The following CFAP299 variants were observed in gnomAD, a reference collection of about 807,000 sequenced individuals.
The protein encoded by CFAP299 is cilia- and flagella-associated protein 299.
In CFAP299, 21 loss-of-function variants were observed where a neutral mutation model predicts 27.0. The observed-to-expected ratio is 0.78, with a 90% CI of 0.55 to 1.12. The LOEUF is 1.12. CFAP299 is among the 50% of genes most tolerant of loss of function. The pLI is 0.00. For missense variants in CFAP299, 310 were observed against 276.6 expected, an observed-to-expected ratio of 1.12 and a Z score of -0.86; for synonymous variants, 104 against 98.1, an observed-to-expected ratio of 1.06 and a Z score of -0.36.
intron 3 of CFAP299, among the ~76,000 whole-genome samples, chr4:80,668,672 A>C (rs1211234692): frequency 6.6e-6 from 1 of 152,086 alleles, no homozygotes; most frequent in Non-Finnish European, 1.5e-5. Flanking sequence ...GTCTGTTTTT[A>C]ATGCCAGTAT....
At chr4:80,823,119 A>G (rs1186424016) in intron 3 of CFAP299, among the ~76,000 whole-genome samples, 1 of 152,186 alleles carries the variant, frequency 6.6e-6, no homozygotes, top group African/African-American at 2.4e-5. Flanking sequence ...GGACCTACTT[A>G]GCACCTCCTA....
rs370673737 is a variant in CFAP299 at position 80,902,586 on chromosome 4, T to TATATATATAC, written c.476+32452_476+32453insTATATATACA. Among the ~76,000 whole-genome samples the TATATATATAC allele has an allele frequency of 3.8e-3, 481 of 126,680 alleles. 2 individuals carry two copies. Among genetic ancestry groups the TATATATATAC allele is most frequent in the African/African-American group, 0.014 (458 of 33,730 alleles). The allele number at this position is 126,680 out of a possible 152,430, so 83.1% of individuals were successfully genotyped here. A position where few individuals can be genotyped will look rare whatever the true frequency, so the allele number is the denominator to read the frequency against. On this transcript the variant is annotated intron_variant, in intron 4 of 5. Transcript: ENST00000358105. ...ATTTTATCCATATATATGTAATATA[T>TATATATATAC]ACACACACACACACACACACACACA... is the stretch of plus-strand genomic sequence containing the variant.
intron 2 of CFAP299, among the ~76,000 whole-genome samples, chr4:80,554,248 C>T (rs1319810003): frequency 6.6e-6 from 1 of 152,124 alleles, no homozygotes; most frequent in Non-Finnish European, 1.5e-5. Context: ...AATATCAAGT[C>T]TTTTCCCCAT....
chr4:80,574,115 G>A (rs1345570165), intron 2 of CFAP299, among the ~76,000 whole-genome samples: 1 of 151,656 alleles, frequency 6.6e-6, no homozygotes, highest in Non-Finnish European at 1.5e-5. Context: ...CCATTTTTTG[G>A]TGTCCCCTTC....
chr4:80,680,582 C>T (rs1719774230), intron 3 of CFAP299, among the ~76,000 whole-genome samples: 1 of 151,914 alleles, frequency 6.6e-6, no homozygotes, highest in African/African-American at 2.4e-5. Flanking sequence ...GCTCATCTGC[C>T]TATTGGACAA....
chr4:80,815,139 T>C (rs1173192117), intron 3 of CFAP299, among the ~76,000 whole-genome samples: 1 of 151,294 alleles, frequency 6.6e-6, no homozygotes, highest in Non-Finnish European at 1.5e-5. Context: ...AAAAAAGACA[T>C]GGAGATGGAA....
intron 3 of CFAP299, among the ~76,000 whole-genome samples, chr4:80,644,092 A>G (rs1739862224): frequency 6.6e-6 from 1 of 152,166 alleles, no homozygotes; most frequent in Admixed American, 6.5e-5. Context: ...TTTAAGTTCA[A>G]TCTATATATG....
chr4:80,536,795 G>A (rs1429192693), intron 2 of CFAP299, among the ~76,000 whole-genome samples: 1 of 152,026 alleles, frequency 6.6e-6, no homozygotes, highest in Non-Finnish European at 1.5e-5. Context: ...TCTTTACATT[G>A]GTCTGGGCAA....
At chr4:80,856,973 G>T (rs1731943564) in intron 3 of CFAP299, among the ~76,000 whole-genome samples, 2 of 151,984 alleles carry the variant, frequency 1.3e-5, no homozygotes, top group South Asian at 4.2e-4. Context: ...GGATGGCATT[G>T]AATCTGTAAA....
intron 2 of CFAP299, among the ~76,000 whole-genome samples, chr4:80,534,040 G>A (rs1733604492): frequency 6.6e-6 from 1 of 151,986 alleles, no homozygotes. Context: ...AGAACACCAT[G>A]ATTAATTAAT....
intron 3 of CFAP299, among the ~76,000 whole-genome samples, chr4:80,856,880 G>T (rs1482833059): frequency 6.6e-6 from 1 of 151,924 alleles, no homozygotes; most frequent in Non-Finnish European, 1.5e-5. Context: ...TTGACTTGGT[G>T]ATGAGGGCTC....
chr4:80,373,721 T>C (rs911981117), intron 2 of CFAP299, among the ~76,000 whole-genome samples: 1 of 152,212 alleles, frequency 6.6e-6, no homozygotes, highest in Non-Finnish European at 1.5e-5. Flanking sequence ...TGGTGTCTTA[T>C]GGTTAAGTTC....
chr4:80,426,321 A>G (rs1727526799), intron 2 of CFAP299, among the ~76,000 whole-genome samples: 1 of 152,156 alleles, frequency 6.6e-6, no homozygotes, highest in Non-Finnish European at 1.5e-5. Flanking sequence ...TATGATCATT[A>G]CATTATGTTT....
At chr4:80,342,738 A>G (rs1044792049) in intron 1 of CFAP299, among the ~76,000 whole-genome samples, 5 of 152,214 alleles carry the variant, frequency 3.3e-5, no homozygotes, top group South Asian at 2.1e-4. Flanking sequence ...CAGTACACCA[A>G]CTAATGACAC....
intron 3 of CFAP299, among the ~76,000 whole-genome samples, chr4:80,865,065 C>T (rs1044313772): frequency 1.3e-5 from 2 of 152,100 alleles, no homozygotes. Flanking sequence ...GGATGCTCCC[C>T]TCTCTAGCTA....
At chr4:80,886,101 C>T (rs375055921) in intron 4 of CFAP299, among the ~76,000 whole-genome samples, 4 of 152,118 alleles carry the variant, frequency 2.6e-5, no homozygotes, top group Admixed American at 1.3e-4. Context: ...GTAATGGGCA[C>T]AGGGAGTGGC....
chr4:80,559,422 G>A (rs1040763510), intron 2 of CFAP299, among the ~76,000 whole-genome samples: 5 of 152,146 alleles, frequency 3.3e-5, no homozygotes, highest in African/African-American at 4.8e-5. Flanking sequence ...GAGCAAGATG[G>A]GGGAATATAA....
At chr4:80,842,733 G>A (rs947997089) in intron 3 of CFAP299, among the ~76,000 whole-genome samples, 8 of 152,080 alleles carry the variant, frequency 5.3e-5, no homozygotes, top group African/African-American at 1.9e-4. Context: ...CCCTTCACGT[G>A]ATTAGGCTAT....
chr4:80,713,269 T>TG (rs1411912852), intron 3 of CFAP299, among the ~76,000 whole-genome samples: 1 of 152,078 alleles, frequency 6.6e-6, no homozygotes, highest in Non-Finnish European at 1.5e-5. Flanking sequence ...TGGACTCTAT[T>TG]AACCCAATTG....
Sources: gnomAD v4.1 joint callset for allele counts (sites outside exome capture counted in the v4.1 genomes callset) on GRCh38, gnomAD v4.1.1 for gene constraint, MANE v1.5 for transcripts, NCBI Gene and HGNC (gene_info 2026-07-23, HGNC 2026-07-21) for gene names.